OPA1: variants seen among roughly 807,000 people sequenced by gnomAD.
OPA1 encodes the protein dynamin-like GTPase OPA1, mitochondrial.
A neutral mutation model predicts 152.9 loss-of-function variants in OPA1; 59 were observed. The observed-to-expected ratio is 0.39, with a 90% confidence interval of 0.31 to 0.48. The LOEUF is 0.48. Ranked by LOEUF, OPA1 falls within the 20% of genes least tolerant of loss-of-function variation. The pLI, the probability that OPA1 is intolerant of heterozygous loss-of-function variation, is 0.96. For synonymous variants in OPA1, 400 were observed against 389.9 expected, an observed-to-expected ratio of 1.03 and a Z score of -0.31; for missense variants, 1,008 against 1,216.8, an observed-to-expected ratio of 0.83 and a Z score of 2.55.
chr3:193,632,354 G>A (rs922772010), intron 8 of OPA1, among the ~76,000 whole-genome samples: 12 of 152,156 alleles, frequency 7.9e-5, no homozygotes, highest in African/African-American at 2.4e-4. Flanking sequence ...GGTGGCAGGC[G>A]CCTGTAGTCC....
Position 193,676,905 on chromosome 3 carries a change from T to C in OPA1, c.2983+9625T>C, listed in dbSNP as rs568393901. Reference sequence around the variant, plus strand: ...CTGAGGCAGGAGAATGGCGTGAACCTGGGAGGCGGAGCTTGCGGTGAGCCG... The same window carrying C: ...CTGAGGCAGGAGAATGGCGTGAACCCGGGAGGCGGAGCTTGCGGTGAGCCG... On this transcript the variant is annotated intron_variant, in intron 29 of 30. Coordinates refer to ENST00000361510, the MANE Select transcript of OPA1 (RefSeq NM_130837.3). Among the ~76,000 whole-genome samples the C allele has an allele frequency of 8.9e-3, 1,202 of 134,854 alleles. 2 individuals carry two copies. The highest frequency in any genetic ancestry group is 0.015 in the South Asian group (63 of 4,234). The allele number at this position is 134,854 out of a possible 152,430, so 88.5% of individuals were successfully genotyped here.
At chr3:193,667,135 G>T (rs182060760) in intron 28 of OPA1, 35 bp from the exon 29 acceptor site, 7 of 963,434 alleles carry the variant, frequency 7.3e-6, no homozygotes, top group Non-Finnish European at 1.2e-5. Context: ...TTATAAAAAC[G>T]ATGCTCCTCA....
At chr3:193,622,746 A>G (rs113323002) in intron 6 of OPA1, among the ~76,000 whole-genome samples, 4,591 of 152,246 alleles carry the variant, frequency 0.03, 67 homozygotes, top group African/African-American at 0.036. Flanking sequence ...TTACTATCTA[A>G]TCGGCCATTT....
At chr3:193,676,431 C>G (rs1349845240) in intron 29 of OPA1, among the ~76,000 whole-genome samples, 1 of 151,982 alleles carries the variant, frequency 6.6e-6, no homozygotes, top group Non-Finnish European at 1.5e-5. Context: ...TTATTTTTAC[C>G]TTGAGTCTGT....
Position 193,695,262 on chromosome 3 carries a change from C to T in OPA1, c.*662C>T, listed in dbSNP as rs1250922511. 2 of 152,136 alleles carry T rather than the reference C, an allele frequency of 1.3e-5. No individual in the cohort carries two copies. Among genetic ancestry groups the T allele is most frequent in the Non-Finnish European group, 1.5e-5 (1 of 68,016 alleles). The allele number at this position is 152,136 out of a possible 1,614,324, so 9.4% of individuals were successfully genotyped here. On this transcript the variant is annotated 3_prime_UTR_variant, in exon 31 of 31. Coordinates refer to ENST00000361510, the MANE Select transcript of OPA1 (RefSeq NM_130837.3). ...TGGAAGCCAAGTCAGTACCAGCTTA[C>T]CTATTTGATTCAGTTGCTGTTTTCT...
intron 29 of OPA1, among the ~76,000 whole-genome samples, chr3:193,684,099 A>T (rs532754472): frequency 4.9e-4 from 75 of 152,282 alleles, no homozygotes; most frequent in Admixed American, 9.8e-4. Flanking sequence ...CGCACAACTG[A>T]GAGAAATTTC....
At chr3:193,635,635 C>T (rs530642186) in intron 9 of OPA1, 113 bp downstream of exon 9, 6 of 720,768 alleles carry the variant, frequency 8.3e-6, no homozygotes, top group South Asian at 1.5e-5. Flanking sequence ...TTCTTTCTAA[C>T]CTAATGTGCT....
intron 5 of OPA1, 156 bp from the exon 6 acceptor site, chr3:193,618,713 A>G (rs1437835804): frequency 9.0e-6 from 6 of 666,004 alleles, no homozygotes; most frequent in Non-Finnish European, 1.6e-5. Context: ...GTTATCAGTC[A>G]TGTTCCTTAA....
intron 10 of OPA1, 140 bp from the exon 11 acceptor site, chr3:193,637,811 AT>A (rs34348471): frequency 6.7e-6 from 5 of 742,122 alleles, no homozygotes; most frequent in South Asian, 6.4e-5. Context: ...ATCAATCACC[AT>A]TTTTTTACGG....
intron 6 of OPA1, among the ~76,000 whole-genome samples, chr3:193,620,566 C>T (rs1293946426): frequency 6.6e-6 from 1 of 151,964 alleles, no homozygotes; most frequent in East Asian, 1.9e-4. Flanking sequence ...TAAACTATTT[C>T]CTTTTAACTT....
At chr3:193,671,462 T>G (rs1577351705) in intron 29 of OPA1, among the ~76,000 whole-genome samples, 1 of 152,206 alleles carries the variant, frequency 6.6e-6, no homozygotes, top group South Asian at 2.1e-4. Flanking sequence ...TGGAAGAGAC[T>G]TAAAACTAAA....
chr3:193,671,574 T>C (rs2109318821), intron 29 of OPA1, among the ~76,000 whole-genome samples: 1 of 152,244 alleles, frequency 6.6e-6, no homozygotes, highest in Non-Finnish European at 1.5e-5. Context: ...TAGTAATATA[T>C]CAGTGTTAAT....
At position 193,641,524 on chromosome 3, in the gene OPA1, G is replaced by A. The variant is rs906789004; in HGVS notation, c.1150-1241G>A. ...CTTTGGGATTGTGGCACCTTAAGAC[G>A]TGACTACTTAATAACTCGGAATTCC... is the stretch of plus-strand genomic sequence containing the variant. On this transcript the variant is annotated intron_variant, in intron 11 of 30. Coordinates refer to ENST00000361510, the MANE Select transcript of OPA1 (RefSeq NM_130837.3). 3.3e-5 allele frequency among the ~76,000 whole-genome samples: 5 copies of A among 152,116 alleles called. No homozygotes were observed. In the East Asian group the frequency reaches 5.8e-4, roughly 18 times the overall value.
chr3:193,618,942 T>C lies in OPA1; in HGVS notation c.678+6T>C. 1 of 1,609,754 alleles carries C rather than the reference T, an allele frequency of 6.2e-7. No homozygotes were observed. The highest frequency in any genetic ancestry group is 1.1e-5 in the South Asian group (1 of 91,008). On this transcript the variant is annotated splice_donor_region_variant and intron_variant, in intron 6 of 30. Coordinates refer to ENST00000361510, the MANE Select transcript of OPA1 (RefSeq NM_130837.3). ...GTGACAAGCATTTTAGAAAGGTAAGTGTAAAAGAGAATTGTTCATGTAGGT... is the reference window on the plus strand; with the variant it reads ...GTGACAAGCATTTTAGAAAGGTAAGCGTAAAAGAGAATTGTTCATGTAGGT...
intron 30 of OPA1, among the ~76,000 whole-genome samples, chr3:193,693,143 G>T (rs766528558): frequency 9.2e-5 from 14 of 152,302 alleles, no homozygotes; most frequent in Non-Finnish European, 1.3e-4. Flanking sequence ...GGCTACGCTC[G>T]GTTCAGGTCA....
chr3:193,616,098 C>T (rs1048656125), intron 3 of OPA1, among the ~76,000 whole-genome samples: 7 of 152,124 alleles, frequency 4.6e-5, no homozygotes, highest in Non-Finnish European at 1.0e-4. Context: ...TCACTGCAGC[C>T]CTGAACTGGC....
Position 193,635,448 on chromosome 3 carries a change from GA to G in OPA1, c.878del (p.Lys293ArgfsTer6). On this transcript the variant is annotated frameshift_variant, in exon 9 of 31. Transcript: ENST00000361510. LOFTEE classifies it high-confidence loss of function. ...GTATCAGAGAATCTTGGAACGATTA[GA>G]AAAGGAGAACAAAGAATTGAGAAAA... ...LKYQRILERL[E>X]KENKELRKLV... 1 of 1,607,444 alleles carries G rather than the reference GA, an allele frequency of 6.2e-7. No homozygotes were observed. The highest frequency in any genetic ancestry group is 8.5e-7 in the Non-Finnish European group (1 of 1,174,252).
intron 30 of OPA1, 25 bp downstream of exon 30, chr3:193,692,157 T>C (rs1560084501): frequency 8.3e-7 from 1 of 1,206,330 alleles, no homozygotes; most frequent in Non-Finnish European, 1.2e-6. Flanking sequence ...TCTAACTGTA[T>C]TGGTGCTGAC....
intron 29 of OPA1, 66 bp from the exon 30 acceptor site, chr3:193,691,997 A>G: frequency 2.1e-6 from 2 of 975,138 alleles, no homozygotes; most frequent in Non-Finnish European, 3.2e-6. Flanking sequence ...CATTTAGTAA[A>G]TAATTACCTC....
Sources: gnomAD v4.1 joint callset for allele counts (sites outside exome capture counted in the v4.1 genomes callset) on GRCh38, gnomAD v4.1.1 for gene constraint, MANE v1.5 for transcripts, NCBI Gene and HGNC (gene_info 2026-07-23, HGNC 2026-07-21) for gene names.